ARHGAP25: variants seen among roughly 807,000 people sequenced by gnomAD.
ARHGAP25 encodes Rho GTPase activating protein 25.
In ARHGAP25, 34 loss-of-function variants were observed where a neutral mutation model predicts 71.0. The observed-to-expected ratio is 0.48, with a 90% CI of 0.36 to 0.64. The LOEUF is 0.64. ARHGAP25 is among the 30% of genes least tolerant of loss of function. ARHGAP25 has a pLI of 0.00. For synonymous variants in ARHGAP25, 282 were observed against 296.5 expected (o/e 0.95, Z 0.50); for missense variants, 706 against 805.1 (o/e 0.88, Z 1.49).
In ARHGAP25 at chr2:68,767,301, G is replaced by C. The variant is rs1354718212; in HGVS notation, c.62-7920G>C. 1.3e-5 allele frequency among the ~76,000 whole-genome samples: 2 copies of C among 152,082 alleles called. No individual in the cohort carries two copies. Among genetic ancestry groups the C allele is most frequent in the East Asian group, 3.8e-4 (2 of 5,198 alleles). On this transcript the variant is annotated intron_variant, in intron 1 of 10. Transcript: ENST00000409202. The surrounding 1 kb of genome is among the most constrained non-coding windows in gnomAD (Gnocchi z 4.6). Reference sequence around the variant, plus strand: ...GCTTTGAAGACAGAAAAGGGATACAGAAAGCGAGCCTGAAGTTTCTGAAGT... The same window carrying C: ...GCTTTGAAGACAGAAAAGGGATACACAAAGCGAGCCTGAAGTTTCTGAAGT...
At chr2:68,773,769 T>C (rs528321044) in intron 1 of ARHGAP25, among the ~76,000 whole-genome samples, 2 of 152,136 alleles carry the variant, frequency 1.3e-5, no homozygotes, top group Admixed American at 1.3e-4. Context: ...TTGAAGAAGC[T>C]CTCAGTGATG....
chr2:68,719,650 A>G (rs1674705593), intron 2 of ARHGAP25, among the ~76,000 whole-genome samples: 1 of 152,144 alleles, frequency 6.6e-6, no homozygotes, highest in Admixed American at 6.5e-5. Context: ...GCTGTCAGAT[A>G]CCATTTTAAG....
intron 9 of ARHGAP25, chr2:68,819,658 T>C: frequency 1.8e-6 from 1 of 547,462 alleles, no homozygotes; most frequent in South Asian, 2.7e-5. Flanking sequence ...AATGTTTTGG[T>C]CAGAATTGTT....
intron 4 of ARHGAP25, among the ~76,000 whole-genome samples, chr2:68,801,153 C>T (rs1679933421): frequency 6.6e-6 from 1 of 152,106 alleles, no homozygotes; most frequent in Admixed American, 6.5e-5. Context: ...AGAAGTGACA[C>T]TGTTGGTCCT....
chr2:68,824,782 A>G (rs1445917366), intron 10 of ARHGAP25, among the ~76,000 whole-genome samples: 2 of 152,142 alleles, frequency 1.3e-5, no homozygotes, highest in Non-Finnish European at 2.9e-5. Context: ...AATGAGATCA[A>G]TTTAGCTTTA....
At chr2:68,717,057 C>T (rs1674627482) in intron 2 of ARHGAP25, among the ~76,000 whole-genome samples, 1 of 152,084 alleles carries the variant, frequency 6.6e-6, no homozygotes, top group Non-Finnish European at 1.5e-5. Context: ...GTGCAAATGT[C>T]ATAGAATATA....
At chr2:68,784,046 A>G (rs2104393895) in intron 3 of ARHGAP25, among the ~76,000 whole-genome samples, 1 of 152,234 alleles carries the variant, frequency 6.6e-6, no homozygotes. Flanking sequence ...ACTCTTCAAC[A>G]TTGCTATACC....
intron 2 of ARHGAP25, among the ~76,000 whole-genome samples, chr2:68,777,682 G>C (rs1558630710): frequency 6.6e-6 from 1 of 152,094 alleles, no homozygotes; most frequent in Non-Finnish European, 1.5e-5. Context: ...TCAATAGATG[G>C]CTGAAAAATG....
intron 2 of ARHGAP25, among the ~76,000 whole-genome samples, chr2:68,723,002 C>CT (rs951370186): frequency 3.2e-4 from 49 of 152,290 alleles, no homozygotes; most frequent in Admixed American, 1.1e-3. Flanking sequence ...TCTCTGCTCT[C>CT]TTTTTTTATG....
chr2:68,766,168 G>T (rs1004102990), intron 1 of ARHGAP25, among the ~76,000 whole-genome samples: 9 of 152,198 alleles, frequency 5.9e-5, no homozygotes, highest in African/African-American at 2.2e-4. Context: ...TACTTCGATT[G>T]CTCTTCCTAA....
chr2:68,758,759 T>C (rs1338833726), intron 1 of ARHGAP25, among the ~76,000 whole-genome samples: 2 of 151,794 alleles, frequency 1.3e-5, no homozygotes, highest in East Asian at 3.9e-4. Context: ...ACCAACTAGA[T>C]CTAAGAGACA....
chr2:68,722,908 C>G (rs12989246), intron 2 of ARHGAP25, among the ~76,000 whole-genome samples: 122 of 152,076 alleles, frequency 8.0e-4, no homozygotes, highest in Non-Finnish European at 5.3e-4. Context: ...AGGCTCCCCA[C>G]TCTCCAAACG....
chr2:68,735,341 T>C lies in ARHGAP25; in HGVS notation c.61+81T>C. On this transcript the variant is annotated intron_variant, in intron 1 of 10. Coordinates refer to ENST00000409202, the MANE Select transcript of ARHGAP25 (RefSeq NM_001007231.3). ...TTTGCATGTTGGTCTGCAGGGAGCA[T>C]AGTCTACTTAAAAATGGATCTCGCA... is the stretch of plus-strand genomic sequence containing the variant. 5.0e-6 allele frequency: 7 copies of C among 1,407,664 alleles called. 1 individual carries two copies. The South Asian group carries it at 8.2e-5, about 16-fold the overall frequency. The allele number at this position is 1,407,664 out of a possible 1,614,324, so 87.2% of individuals were successfully genotyped here. A position where few individuals can be genotyped will look rare whatever the true frequency, so the allele number is the denominator to read the frequency against.
intron 1 of ARHGAP25, among the ~76,000 whole-genome samples, chr2:68,746,880 C>A (rs923234401): frequency 1.3e-5 from 2 of 151,802 alleles, no homozygotes. Context: ...TAGTGACGCA[C>A]GCCTGTAATC....
At chr2:68,740,254 G>T (rs1675450548) in intron 1 of ARHGAP25, among the ~76,000 whole-genome samples, 1 of 152,180 alleles carries the variant, frequency 6.6e-6, no homozygotes, top group Admixed American at 6.5e-5. Flanking sequence ...TCTAGGTGCA[G>T]ATGTTCTTGA....
intron 2 of ARHGAP25, among the ~76,000 whole-genome samples, chr2:68,778,846 T>G (rs1373520789): frequency 6.6e-6 from 1 of 152,230 alleles, no homozygotes; most frequent in Non-Finnish European, 1.5e-5. Context: ...CTTTCCTGTA[T>G]GTGCTTCTGG....
intron 1 of ARHGAP25, among the ~76,000 whole-genome samples, chr2:68,768,576 T>C (rs1677276460): frequency 6.6e-6 from 1 of 152,238 alleles, no homozygotes; most frequent in Non-Finnish European, 1.5e-5. Flanking sequence ...CCCCACAGCC[T>C]CAAGTTAGAA....
At position 68,735,159 on chromosome 2, in the gene ARHGAP25, A is replaced by T; in HGVS notation, c.-41A>T. 6.5e-7 allele frequency: 1 copy of T among 1,546,322 alleles called. No individual in the cohort carries two copies. On this transcript the variant is annotated 5_prime_UTR_variant, in exon 1 of 11. Coordinates refer to ENST00000409202, the MANE Select transcript of ARHGAP25 (RefSeq NM_001007231.3). ...ACAAGAAGGGCGCAAACTGTGACAG[A>T]CTCACCGCTTCACTAACTACTCACT...
intron 4 of ARHGAP25, among the ~76,000 whole-genome samples, chr2:68,802,075 C>T (rs963183870): frequency 6.6e-6 from 1 of 152,102 alleles, no homozygotes; most frequent in Non-Finnish European, 1.5e-5. Context: ...ATATAGGCAG[C>T]AGCAGTGGGA....
Sources: allele counts gnomAD v4.1 joint callset (sites outside exome capture counted in the v4.1 genomes callset), GRCh38; gene constraint gnomAD v4.1.1; non-coding constraint Gnocchi (gnomAD v3.1); transcripts MANE v1.5; gene names NCBI Gene and HGNC (gene_info 2026-07-23, HGNC 2026-07-21).